The following GMDS variants were observed in gnomAD, a reference collection of about 807,000 sequenced individuals.
GMDS encodes the protein GDP-mannose 4,6 dehydratase.
GMDS carries 20 observed loss-of-function variants against 49.9 expected under a neutral mutation model. That is an observed-to-expected ratio of 0.40 (90% CI 0.28 to 0.58). GMDS has a LOEUF of 0.58. Ranked by LOEUF, GMDS falls within the 20% of genes least tolerant of loss-of-function variation. The probability of loss-of-function intolerance (pLI) is 0.42; values close to 1 mark genes in which losing one functional copy is unlikely to be tolerated. For synonymous variants in GMDS, 177 were observed against 178.6 expected (o/e 0.99, Z 0.07); for missense variants, 362 against 481.4 (o/e 0.75, Z 2.32).
intron 9 of GMDS, among the ~76,000 whole-genome samples, chr6:1,671,365 C>A: frequency 6.6e-6 from 1 of 152,008 alleles, no homozygotes; most frequent in East Asian, 1.9e-4. Flanking sequence ...CTGGGGTGCT[C>A]TCTGGGAAGC....
At chr6:1,763,730 T>A (rs1048684311) in intron 7 of GMDS, among the ~76,000 whole-genome samples, 7 of 152,210 alleles carry the variant, frequency 4.6e-5, no homozygotes, top group Admixed American at 3.9e-4. Context: ...CATGGTGGCA[T>A]GAAATCTAGA....
At chr6:1,960,053 C>A in intron 5 of GMDS, 82 bp from the exon 6 acceptor site, 1 of 750,182 alleles carries the variant, frequency 1.3e-6, no homozygotes, top group Non-Finnish European at 2.2e-6. Flanking sequence ...AACATCTTGG[C>A]CGAAATAATA....
intron 6 of GMDS, among the ~76,000 whole-genome samples, chr6:1,936,798 C>G (rs1762568977): frequency 6.6e-6 from 1 of 152,010 alleles, no homozygotes; most frequent in Non-Finnish European, 1.5e-5. Context: ...AAAACCTCAT[C>G]TCTACTAAAA....
At chr6:2,193,278 C>T (rs574888062) in intron 1 of GMDS, among the ~76,000 whole-genome samples, 4 of 152,234 alleles carry the variant, frequency 2.6e-5, no homozygotes, top group Non-Finnish European at 4.4e-5. Context: ...ATAGGCACAA[C>T]GTATGTGTTA....
At chr6:2,039,531 A>C (rs1289243424) in intron 4 of GMDS, among the ~76,000 whole-genome samples, 1 of 152,156 alleles carries the variant, frequency 6.6e-6, no homozygotes, top group African/African-American at 2.4e-5. Context: ...TTAAACAAAA[A>C]ATATTTTCTT....
intron 4 of GMDS, among the ~76,000 whole-genome samples, chr6:1,973,770 A>G (rs1474525932): frequency 6.6e-6 from 1 of 152,204 alleles, no homozygotes; most frequent in Non-Finnish European, 1.5e-5. Flanking sequence ...TAAATAGCTA[A>G]TAATTCTTTA....
chr6:1,715,360 G>C (rs1457365871), intron 9 of GMDS, among the ~76,000 whole-genome samples: 3 of 152,186 alleles, frequency 2.0e-5, no homozygotes, highest in Admixed American at 2.0e-4. Flanking sequence ...GGTTCTATCA[G>C]AGCTGGCTGT....
At chr6:1,769,256 C>T (rs1204525410) in intron 7 of GMDS, among the ~76,000 whole-genome samples, 1 of 152,212 alleles carries the variant, frequency 6.6e-6, no homozygotes, top group East Asian at 1.9e-4. Context: ...CAGAAGCAAC[C>T]AGTGTAACAG....
chr6:2,094,917 C>T (rs920794740), intron 4 of GMDS, among the ~76,000 whole-genome samples: 5 of 152,116 alleles, frequency 3.3e-5, no homozygotes, highest in Admixed American at 6.5e-5. Context: ...GTTAAACCAA[C>T]GGAGGCACAG....
At chr6:1,786,859 C>A (rs1216317968) in intron 7 of GMDS, among the ~76,000 whole-genome samples, 8 of 151,582 alleles carry the variant, frequency 5.3e-5, no homozygotes, top group Middle Eastern at 3.4e-3. Context: ...AAGAAAAGAA[C>A]AAAAGAATGA....
chr6:1,722,210 G>A (rs1766408697), intron 9 of GMDS, among the ~76,000 whole-genome samples: 1 of 142,518 alleles, frequency 7.0e-6, no homozygotes, highest in Non-Finnish European at 1.5e-5. Context: ...GTGACTACAG[G>A]TGCCCGCCAC....
At chr6:1,664,866 G>C (rs1054259193) in intron 9 of GMDS, among the ~76,000 whole-genome samples, 19 of 152,174 alleles carry the variant, frequency 1.2e-4, no homozygotes, top group African/African-American at 4.3e-4. Context: ...TGAAACTAAA[G>C]TTAGAAGCGT....
rs183273473 is a variant in GMDS, at chr6:1,747,511, T to G, written c.772-4925A>C. ...GCGCGCACACACACACACACACACT[T>G]ATGTATGTATACGCATTTCAGGGGA... On this transcript the variant is annotated intron_variant, in intron 7 of 10. Coordinates refer to ENST00000380815, the MANE Select transcript of GMDS (RefSeq NM_001500.4). Among the ~76,000 whole-genome samples the G allele has an allele frequency of 1.1e-3, 164 of 150,896 alleles. 1 individual carries two copies. The highest frequency in any genetic ancestry group is 3.8e-3 in the African/African-American group (156 of 41,084).
At chr6:1,717,988 T>A (rs1766231655) in intron 9 of GMDS, among the ~76,000 whole-genome samples, 1 of 152,224 alleles carries the variant, frequency 6.6e-6, no homozygotes, top group Admixed American at 6.5e-5. Context: ...ATTAGCTCTT[T>A]ACACATTAAT....
At chr6:1,885,500 T>C (rs151029316) in intron 7 of GMDS, among the ~76,000 whole-genome samples, 1 of 152,308 alleles carries the variant, frequency 6.6e-6, no homozygotes, top group East Asian at 1.9e-4. Context: ...TAAACCGACA[T>C]TGGCTGGAGA....
At chr6:1,859,996 G>A (rs1348948615) in intron 7 of GMDS, among the ~76,000 whole-genome samples, 1 of 152,146 alleles carries the variant, frequency 6.6e-6, no homozygotes, top group Admixed American at 6.5e-5. Flanking sequence ...CCTATAGATT[G>A]TCTTGCAGAC....
intron 9 of GMDS, among the ~76,000 whole-genome samples, chr6:1,677,630 G>A (rs926826227): frequency 6.6e-6 from 1 of 152,096 alleles, no homozygotes; most frequent in Non-Finnish European, 1.5e-5. Context: ...AAAAGGATGA[G>A]TTCATGTCTT....
chr6:1,683,227 C>T (rs1274275816), intron 9 of GMDS, among the ~76,000 whole-genome samples: 1 of 152,086 alleles, frequency 6.6e-6, no homozygotes, highest in Non-Finnish European at 1.5e-5. Flanking sequence ...GGGTTCACAC[C>T]ATTCTCCTGC....
chr6:1,754,392 C>T (rs1767857530), intron 7 of GMDS, among the ~76,000 whole-genome samples: 1 of 150,930 alleles, frequency 6.6e-6, no homozygotes, highest in African/African-American at 2.4e-5. Context: ...GGCAGTAATA[C>T]CTATCAACCA....
Sources: allele counts gnomAD v4.1 joint callset (sites outside exome capture counted in the v4.1 genomes callset), GRCh38; gene constraint gnomAD v4.1.1; transcripts MANE v1.5; gene names NCBI Gene and HGNC (gene_info 2026-07-23, HGNC 2026-07-21).